The following SLC25A30 variants were observed in gnomAD, a reference collection of about 807,000 sequenced individuals.
SLC25A30 encodes solute carrier family 25 member 30, also known as kidney mitochondrial carrier protein 1.
SLC25A30 carries 29 observed loss-of-function variants against 42.7 expected under a neutral mutation model. The observed-to-expected ratio is 0.68, with a 90% CI of 0.51 to 0.93. The LOEUF is 0.93. SLC25A30 is among the 40% of genes least tolerant of loss of function. The pLI is 0.00. For synonymous variants in SLC25A30, 124 were observed against 131.0 expected, an observed-to-expected ratio of 0.95 and a Z score of 0.37; for missense variants, 300 against 359.7, an observed-to-expected ratio of 0.83 and a Z score of 1.34.
intron 1 of SLC25A30, among the ~76,000 whole-genome samples, chr13:45,416,124 C>T (rs1226896902): frequency 6.7e-6 from 1 of 150,358 alleles, no homozygotes; most frequent in Non-Finnish European, 1.5e-5. Context: ...AAAAACAAAA[C>T]AGGCCGGGCA....
chr13:45,408,805 C>G, intron 3 of SLC25A30, 122 bp downstream of exon 3: 1 of 759,624 alleles, frequency 1.3e-6, no homozygotes, highest in Admixed American at 3.1e-5. Flanking sequence ...ATCTGTCATG[C>G]TATTTGTTCT....
At chr13:45,414,621 C>T (rs1883343511) in intron 1 of SLC25A30, among the ~76,000 whole-genome samples, 1 of 136,112 alleles carries the variant, frequency 7.3e-6, no homozygotes, top group Admixed American at 7.7e-5. Context: ...TTGTCTCAAA[C>T]ACACACACAC....
At chr13:45,424,498 T>C in the SLC25A30 span, among the ~76,000 whole-genome samples, 9 of 62,778 alleles carry the variant, frequency 1.4e-4, no homozygotes, top group African/African-American at 5.3e-4. Context: ...AATATATAAA[T>C]ATATAAAAAT....
At chr13:45,429,561 G>A in the SLC25A30 span, among the ~76,000 whole-genome samples, 1 of 152,062 alleles carries the variant, frequency 6.6e-6, no homozygotes, top group East Asian at 1.9e-4. Context: ...TGGGCACAGT[G>A]GCTCATGGCT....
At chr13:45,413,215 C>G (rs1883178795) in intron 1 of SLC25A30, among the ~76,000 whole-genome samples, 1 of 152,130 alleles carries the variant, frequency 6.6e-6, no homozygotes, top group Non-Finnish European at 1.5e-5. Flanking sequence ...TTAGGTATTT[C>G]AGTACTAAGG....
At chr13:45,428,100 G>A in the SLC25A30 span, among the ~76,000 whole-genome samples, 1 of 152,012 alleles carries the variant, frequency 6.6e-6, no homozygotes, top group African/African-American at 2.4e-5. Context: ...CCATCAGCAG[G>A]GACTTTGAGG....
intron 3 of SLC25A30, among the ~76,000 whole-genome samples, 163 bp downstream of exon 3, chr13:45,408,764 T>G (rs1882739050): frequency 6.6e-6 from 1 of 152,216 alleles, no homozygotes; most frequent in South Asian, 2.1e-4. Context: ...TATATATACT[T>G]AGAAATTAGA....
chr13:45,426,810 A>G, the SLC25A30 span, among the ~76,000 whole-genome samples: 1 of 152,178 alleles, frequency 6.6e-6, no homozygotes, highest in Non-Finnish European at 1.5e-5. Flanking sequence ...TCAATTGCAC[A>G]TTTTAAATTG....
upstream of SLC25A30, among the ~76,000 whole-genome samples, chr13:45,422,955 T>A (rs1008830373): frequency 7.2e-5 from 11 of 152,088 alleles, no homozygotes; most frequent in Non-Finnish European, 4.4e-5. Flanking sequence ...CTGGGTGAAA[T>A]GGGTGCCTGC....
At chr13:45,401,275 C>G in intron 6 of SLC25A30, 68 bp from the exon 7 acceptor site, 1 of 1,510,444 alleles carries the variant, frequency 6.6e-7, no homozygotes, top group Non-Finnish European at 9.1e-7. Context: ...TGCAAATGTG[C>G]AAAGGTTCTA....
chr13:45,393,751 C>T lies in SLC25A30; in HGVS notation c.*2223G>A. 1.0e-6 allele frequency: 1 copy of T among 985,378 alleles called. No individual in the cohort carries two copies. Among genetic ancestry groups the T allele is most frequent in the Non-Finnish European group, 1.2e-6 (1 of 829,922 alleles). The allele number at this position is 985,378 out of a possible 1,614,324, so 61.0% of individuals were successfully genotyped here. A position where few individuals can be genotyped will look rare whatever the true frequency, so the allele number is the denominator to read the frequency against. ...AAAACAGAAAAAGCAGGTTAAGATC[C>T]TGTTCAATAAGGCACTTAATAAGTC... On this transcript the variant is annotated 3_prime_UTR_variant, in exon 10 of 10. Transcript: ENST00000519676.
At chr13:45,412,868 T>A (rs1480423187) in intron 1 of SLC25A30, among the ~76,000 whole-genome samples, 1 of 152,252 alleles carries the variant, frequency 6.6e-6, no homozygotes, top group Non-Finnish European at 1.5e-5. Flanking sequence ...GAGACTCATA[T>A]GACTAATACT....
At position 45,393,910 on chromosome 13, in the gene SLC25A30, T is replaced by C. The variant is rs1449384033; in HGVS notation, c.*2064A>G. On this transcript the variant is annotated 3_prime_UTR_variant, in exon 10 of 10. Coordinates refer to ENST00000519676, the MANE Select transcript of SLC25A30 (RefSeq NM_001010875.4). ...GGTAATAATACTGTCTGACATTCGC[T>C]CTTTACATGGTCATTAAAATGAATT... 1.0e-6 allele frequency: 1 copy of C among 985,394 alleles called. No individual in the cohort carries two copies. The highest frequency in any genetic ancestry group is 1.7e-5 in the African/African-American group (1 of 57,360). The allele number at this position is 985,394 out of a possible 1,614,324, so 61.0% of individuals were successfully genotyped here. A position where few individuals can be genotyped will look rare whatever the true frequency, so the allele number is the denominator to read the frequency against.
At chr13:45,398,866 T>G in intron 8 of SLC25A30, 74 bp downstream of exon 8, 1 of 1,524,008 alleles carries the variant, frequency 6.6e-7, no homozygotes, top group Non-Finnish European at 8.9e-7. Flanking sequence ...TTAGTAGCTT[T>G]CATAATTTAG....
chr13:45,406,150 T>A (rs1013606839), intron 3 of SLC25A30, among the ~76,000 whole-genome samples, 173 bp from the exon 4 acceptor site: 2 of 152,028 alleles, frequency 1.3e-5, no homozygotes, highest in African/African-American at 4.8e-5. Context: ...TGGCTTGATC[T>A]CAGCTCACTG....
intron 8 of SLC25A30, chr13:45,397,837 C>G: frequency 1.0e-6 from 1 of 966,144 alleles, no homozygotes. Flanking sequence ...CCAACAACCC[C>G]ACACGAAGGA....
chr13:45,424,929 TATAA>T, the SLC25A30 span, among the ~76,000 whole-genome samples: 1 of 67,700 alleles, frequency 1.5e-5, no homozygotes, highest in Non-Finnish European at 2.5e-5. Context: ...TATATAAATA[TATAA>T]ATATTTAAAT....
the SLC25A30 span, among the ~76,000 whole-genome samples, chr13:45,433,265 A>AAAAAGATC: frequency 6.6e-6 from 1 of 152,130 alleles, no homozygotes; most frequent in Non-Finnish European, 1.5e-5. Context: ...GAATTTGGGG[A>AAAAAGATC]ACTGTAAGTG....
At chr13:45,413,825 T>A (rs1883243652) in intron 1 of SLC25A30, among the ~76,000 whole-genome samples, 1 of 152,204 alleles carries the variant, frequency 6.6e-6, no homozygotes, top group African/African-American at 2.4e-5. Context: ...AGTGCTGGGA[T>A]TATAGGCCTG....
Sources: allele counts gnomAD v4.1 joint callset (sites outside exome capture counted in the v4.1 genomes callset), GRCh38; gene constraint gnomAD v4.1.1; transcripts MANE v1.5; gene names NCBI Gene and HGNC (gene_info 2026-07-23, HGNC 2026-07-21).